SLCO1B3: variants seen among roughly 807,000 people sequenced by gnomAD.
The protein encoded by SLCO1B3 is liver-specific organic anion transporter 2.
Under a neutral mutation model 71.8 loss-of-function variants are expected in SLCO1B3, and 72 were observed. The ratio of observed to expected loss-of-function variants is 1.00; its 90% CI spans 0.83 to 1.22. SLCO1B3 has a LOEUF of 1.22. Among genes scored for constraint, SLCO1B3 ranks in the 50% most tolerant of loss-of-function variants. The probability of loss-of-function intolerance (pLI) is 0.00; values close to 1 mark genes in which losing one functional copy is unlikely to be tolerated. For missense variants in SLCO1B3, 911 were observed against 819.7 expected (o/e 1.11, Z -1.36); for synonymous variants, 298 against 278.4 (o/e 1.07, Z -0.70).
chr12:20,851,356 A>G (rs1210582672), intron 3 of SLCO1B3, among the ~76,000 whole-genome samples: 2 of 152,160 alleles, frequency 1.3e-5, no homozygotes, highest in Non-Finnish European at 2.9e-5. Context: ...AATAGTGAGT[A>G]TTCTGATGAG....
intron 3 of SLCO1B3, 150 bp downstream of exon 3, chr12:20,815,972 A>G (rs1156600675): frequency 6.2e-6 from 3 of 484,244 alleles, no homozygotes; most frequent in African/African-American, 5.9e-5. Flanking sequence ...AATAATCCCT[A>G]TATTGATTTA....
At chr12:20,818,159 C>A (rs1864226502) in intron 3 of SLCO1B3, among the ~76,000 whole-genome samples, 2 of 152,202 alleles carry the variant, frequency 1.3e-5, no homozygotes, top group South Asian at 4.2e-4. Context: ...TGGGCTGTAC[C>A]TTGTAGCATT....
intron 3 of SLCO1B3, among the ~76,000 whole-genome samples, chr12:20,825,920 T>A (rs2121109314): frequency 6.6e-6 from 1 of 151,686 alleles, no homozygotes; most frequent in African/African-American, 2.4e-5. Flanking sequence ...AATCTGTAAA[T>A]CTCAATTTTT....
intron 2 of SLCO1B3, among the ~76,000 whole-genome samples, chr12:20,814,020 G>A (rs570518190): frequency 6.6e-6 from 1 of 151,848 alleles, no homozygotes; most frequent in Non-Finnish European, 1.5e-5. Context: ...CATATCTAAG[G>A]TATCTATATG....
chr12:20,858,496 A>C lies in SLCO1B3; in HGVS notation c.284A>C (p.Lys95Thr). ...TTTGGATCTAAACTACACAGACCGA[A>C]GTTAATTGGAATTGGTTGTCTCCTT... ...SYFGSKLHRPKLIGIGCLLMG... is the reference protein window; with the variant it reads ...SYFGSKLHRPTLIGIGCLLMG... The change falls in exon 5 of 16, where the codon AAG becomes ACG. Residue 95 changes from lysine to threonine, a missense_variant. Physicochemically the swap from Lys to Thr is moderately conservative, Grantham distance 78. Coordinates refer to ENST00000381545, the MANE Select transcript of SLCO1B3 (RefSeq NM_019844.4). 6.3e-7 allele frequency: 1 copy of C among 1,597,724 alleles called. No individual in the cohort carries two copies. The highest frequency in any genetic ancestry group is 8.6e-7 in the Non-Finnish European group (1 of 1,165,146).
chr12:20,907,666 G>A (rs1259079140), intron 15 of SLCO1B3, among the ~76,000 whole-genome samples: 1 of 151,354 alleles, frequency 6.6e-6, no homozygotes, highest in Non-Finnish European at 1.5e-5. Context: ...CCGCCATTAC[G>A]GCAGGCTAAT....
intron 15 of SLCO1B3, among the ~76,000 whole-genome samples, chr12:20,903,255 C>T (rs187247151): frequency 6.6e-6 from 1 of 152,140 alleles, no homozygotes; most frequent in East Asian, 1.9e-4. Context: ...CAGGTATTTA[C>T]ATAAATTAGT....
At chr12:20,854,387 G>A (rs1865089374) in intron 3 of SLCO1B3, among the ~76,000 whole-genome samples, 1 of 151,928 alleles carries the variant, frequency 6.6e-6, no homozygotes, top group African/African-American at 2.4e-5. Context: ...TTAGTTTTAG[G>A]TGCAGATCTA....
chr12:20,853,214 T>C (rs1315346437), intron 3 of SLCO1B3, among the ~76,000 whole-genome samples: 1 of 152,108 alleles, frequency 6.6e-6, no homozygotes, highest in Admixed American at 6.5e-5. Context: ...AATATTTTTC[T>C]GTAGTTTTCT....
At chr12:20,864,562 G>T (rs182071289) in intron 8 of SLCO1B3, among the ~76,000 whole-genome samples, 9 of 152,150 alleles carry the variant, frequency 5.9e-5, no homozygotes, top group Non-Finnish European at 2.9e-5. Flanking sequence ...ATGTGGCTTA[G>T]TGTAGCTACA....
intron 8 of SLCO1B3, among the ~76,000 whole-genome samples, chr12:20,869,883 A>G (rs1163693071): frequency 2.0e-5 from 3 of 152,122 alleles, no homozygotes; most frequent in African/African-American, 7.2e-5. Context: ...TGGTAGTTCT[A>G]TATTTAATTT....
chr12:20,811,586 C>G (rs1864111272), intron 1 of SLCO1B3, among the ~76,000 whole-genome samples: 1 of 152,126 alleles, frequency 6.6e-6, no homozygotes, highest in Admixed American at 6.5e-5. Flanking sequence ...ATATGAAAAG[C>G]TAAACAGAAA....
chr12:20,854,444 T>G (rs1184579612), intron 3 of SLCO1B3, among the ~76,000 whole-genome samples: 1 of 152,198 alleles, frequency 6.6e-6, no homozygotes, highest in Non-Finnish European at 1.5e-5. Flanking sequence ...TTTATGCCGC[T>G]ATAATGTCCT....
intron 13 of SLCO1B3, among the ~76,000 whole-genome samples, chr12:20,892,275 A>G (rs1857968614): frequency 6.6e-5 from 10 of 152,160 alleles, no homozygotes; most frequent in Admixed American, 6.5e-4. Flanking sequence ...CTAACAGGCT[A>G]TATTGAAGAG....
Position 20,814,176 on chromosome 12 carries a change from C to T in SLCO1B3, c.-66+538C>T, listed in dbSNP as rs138383488. ...ATGCATATATGTATGAACAAGAATA[C>T]ATCTCTAAACCTTATAAATATTCCA... On this transcript the variant is annotated intron_variant, in intron 2 of 15. Coordinates refer to ENST00000381545, the MANE Select transcript of SLCO1B3 (RefSeq NM_019844.4). Among the ~76,000 whole-genome samples, 1,104 of 152,078 alleles carry T rather than the reference C, an allele frequency of 7.3e-3. 12 individuals are homozygous for T. The highest frequency in any genetic ancestry group is 0.026 in the African/African-American group (1,061 of 41,484).
chr12:20,862,735 A>G, intron 7 of SLCO1B3, 21 bp from the exon 8 acceptor site: 1 of 1,572,132 alleles, frequency 6.4e-7, no homozygotes, highest in Non-Finnish European at 8.7e-7. Context: ...ATCTGATTAA[A>G]TTGTTTTGTA....
chr12:20,913,915 C>A (rs1332775939), intron 15 of SLCO1B3, among the ~76,000 whole-genome samples: 1 of 152,194 alleles, frequency 6.6e-6, no homozygotes, highest in South Asian at 2.1e-4. Flanking sequence ...ACATGCCTAG[C>A]TAATTTTTTG....
Position 20,880,900 on chromosome 12 carries a change from C to A in SLCO1B3, c.1377C>A (p.Cys459Ter), listed in dbSNP as rs1395992970. 24 of 1,610,176 alleles carry A rather than the reference C, an allele frequency of 1.5e-5. No individual in the cohort carries two copies. Among genetic ancestry groups the A allele is most frequent in the Non-Finnish European group, 1.8e-5 (21 of 1,176,986 alleles). Residue 459 changes from cysteine (C) to a stop codon, truncating the protein, a stop_gained, in exon 12 of 16, where the codon TGC becomes TGA. Transcript: ENST00000381545. LOFTEE classifies it high-confidence loss of function. Reference sequence around the variant, plus strand: ...ATGTAGATGTACCACTTTCTTATTGCAACTCAGAGTGCAATTGTGATGAAA... The same window carrying A: ...ATGTAGATGTACCACTTTCTTATTGAAACTCAGAGTGCAATTGTGATGAAA... ...ASHVDVPLSY[C>*]NSECNCDESQ...
intron 3 of SLCO1B3, among the ~76,000 whole-genome samples, chr12:20,846,911 A>G (rs1591758685): frequency 6.6e-6 from 1 of 152,136 alleles, no homozygotes; most frequent in Non-Finnish European, 1.5e-5. Context: ...TCTCGATGCC[A>G]GTTGTCTCTT....
Sources: gnomAD v4.1 joint callset for allele counts (sites outside exome capture counted in the v4.1 genomes callset) on GRCh38, gnomAD v4.1.1 for gene constraint, MANE v1.5 for transcripts, NCBI Gene and HGNC (gene_info 2026-07-23, HGNC 2026-07-21) for gene names.